DNAJC16: variants seen among roughly 807,000 people sequenced by gnomAD.
The protein encoded by DNAJC16 is DnaJ heat shock protein family (Hsp40) member C16.
In DNAJC16, 76 loss-of-function variants were observed where a neutral mutation model predicts 92.7. That is an observed-to-expected ratio of 0.82 (90% CI 0.68 to 0.99). The LOEUF (loss-of-function observed/expected upper bound fraction) is 0.99, where lower values mean the gene tolerates loss of function less well. Among genes scored for constraint, DNAJC16 ranks in the 50% least tolerant of loss-of-function variants. DNAJC16 has a pLI of 0.00. For missense variants in DNAJC16, 869 were observed against 942.4 expected, an observed-to-expected ratio of 0.92 and a Z score of 1.02; for synonymous variants, 328 against 358.7, an observed-to-expected ratio of 0.91 and a Z score of 0.97.
intron 11 of DNAJC16, 131 bp downstream of exon 11, chr1:15,564,490 A>T: frequency 1.8e-5 from 11 of 610,710 alleles, no homozygotes; most frequent in Non-Finnish European, 2.9e-5. Flanking sequence ...ACGTTTACAC[A>T]TTTTCTATTC....
intron 12 of DNAJC16, 34 bp downstream of exon 12, chr1:15,566,033 T>A (rs1317227646): frequency 6.2e-7 from 1 of 1,612,194 alleles, no homozygotes; most frequent in Non-Finnish European, 8.5e-7. Context: ...TGCACCACCA[T>A]GGTTGGTGTT....
intron 2 of DNAJC16, among the ~76,000 whole-genome samples, chr1:15,532,068 C>A (rs927187915): frequency 6.6e-6 from 1 of 152,124 alleles, no homozygotes; most frequent in African/African-American, 2.4e-5. Flanking sequence ...GTTTTTCTCC[C>A]AATAATTAAG....
At chr1:15,561,323 G>T (rs1473720416) in intron 8 of DNAJC16, among the ~76,000 whole-genome samples, 1 of 152,138 alleles carries the variant, frequency 6.6e-6, no homozygotes, top group Admixed American at 6.5e-5. Flanking sequence ...GAGGCTCAGT[G>T]GCCTCTGGCC....
At chr1:15,567,456 G>A (rs892112024) in intron 14 of DNAJC16, among the ~76,000 whole-genome samples, 187 bp downstream of exon 14, 1 of 152,190 alleles carries the variant, frequency 6.6e-6, no homozygotes, top group Non-Finnish European at 1.5e-5. Flanking sequence ...TTCACTTCGT[G>A]TTTTGTTGGT....
chr1:15,529,291 T>C lies in DNAJC16; in HGVS notation c.167+19T>C, dbSNP rs1163670929. ...GGGAATGGTAGGTGAAACAAAGAAA[T>C]AGAGGTTTAACATAAGCTAAACAGT... On this transcript the variant is annotated intron_variant, in intron 2 of 14. Transcript: ENST00000375847. 3.1e-6 allele frequency: 5 copies of C among 1,602,510 alleles called. No individual in the cohort carries two copies. Among genetic ancestry groups the C allele is most frequent in the African/African-American group, 2.7e-5 (2 of 74,528 alleles).
intron 3 of DNAJC16, among the ~76,000 whole-genome samples, chr1:15,536,093 G>A (rs1434713339): frequency 2.4e-5 from 2 of 82,704 alleles, no homozygotes; most frequent in African/African-American, 5.5e-5. Flanking sequence ...TTTTTTTTGA[G>A]ACGGAGTTTC....
rs762110139 is a variant in DNAJC16, at chr1:15,548,269, G to A, written c.865-1G>A. 2 of 1,613,588 alleles carry A rather than the reference G, an allele frequency of 1.2e-6. No individual in the cohort carries two copies. The highest frequency in any genetic ancestry group is 1.7e-6 in the Non-Finnish European group (2 of 1,179,778). ...TCTTCCTCTCTATTATGCCCTAACAGTTGACTGCCTTTGCATACAAAGATT... is the reference window on the plus strand; with the variant it reads ...TCTTCCTCTCTATTATGCCCTAACAATTGACTGCCTTTGCATACAAAGATT... On this transcript the variant is annotated splice_acceptor_variant, in intron 6 of 14. Transcript: ENST00000375847. LOFTEE classifies it high-confidence loss of function.
chr1:15,568,071 C>G lies in DNAJC16; in HGVS notation c.2243C>G (p.Ser748Cys), dbSNP rs1176403806. 6.2e-7 allele frequency: 1 copy of G among 1,614,182 alleles called. No homozygotes were observed. The highest frequency in any genetic ancestry group is 8.5e-7 in the Non-Finnish European group (1 of 1,180,032). ...GGGAAACCTTCCTGTGGCCTTGGAT[C>G]CAGGCCCATCAAAGGAAAGTTGAGC... is the stretch of plus-strand genomic sequence containing the variant. ...SRGKPSCGLG[S>C]RPIKGKLSKL... The change falls in exon 15 of 15, where the codon TCC becomes TGC. Residue 748 changes from serine to cysteine, a missense_variant. By Grantham distance (112) the Ser-to-Cys change is moderately radical. Coordinates refer to ENST00000375847, the MANE Select transcript of DNAJC16 (RefSeq NM_015291.4).
intron 8 of DNAJC16, among the ~76,000 whole-genome samples, chr1:15,561,022 A>C (rs1570927544): frequency 6.7e-6 from 1 of 150,308 alleles, no homozygotes; most frequent in South Asian, 2.1e-4. Flanking sequence ...TAACAATGTC[A>C]CCTTTTCAGT....
intron 11 of DNAJC16, among the ~76,000 whole-genome samples, chr1:15,564,797 G>A (rs1638773199): frequency 6.6e-6 from 1 of 150,904 alleles, no homozygotes; most frequent in African/African-American, 2.4e-5. Flanking sequence ...CCAAAGTGCT[G>A]GGCTTACAGG....
intron 4 of DNAJC16, among the ~76,000 whole-genome samples, chr1:15,538,027 T>C (rs1710834350): frequency 6.6e-6 from 1 of 152,106 alleles, no homozygotes; most frequent in Non-Finnish European, 1.5e-5. Flanking sequence ...CAAATATCAT[T>C]TTAGGGAAAC....
intron 1 of DNAJC16, among the ~76,000 whole-genome samples, chr1:15,528,561 A>T (rs1400413678): frequency 1.3e-5 from 2 of 152,228 alleles, no homozygotes; most frequent in African/African-American, 4.8e-5. Flanking sequence ...CAGTTTTTTG[A>T]GAGTGTTTCA....
At chr1:15,562,823 C>A (rs1486390875) in intron 9 of DNAJC16, among the ~76,000 whole-genome samples, 1 of 151,612 alleles carries the variant, frequency 6.6e-6, no homozygotes. Flanking sequence ...GGTCTTTTTA[C>A]ATTCTGGATG....
At chr1:15,527,614 A>G (rs1710548963) in intron 1 of DNAJC16, among the ~76,000 whole-genome samples, 1 of 152,230 alleles carries the variant, frequency 6.6e-6, no homozygotes, top group African/African-American at 2.4e-5. Context: ...CAGTAGCTAC[A>G]TTGCCTTCAC....
intron 7 of DNAJC16, among the ~76,000 whole-genome samples, chr1:15,550,041 C>T (rs1257929579): frequency 1.3e-5 from 2 of 152,100 alleles, no homozygotes; most frequent in Admixed American, 6.5e-5. Flanking sequence ...GGTCTTGGAA[C>T]GTATCCTCTG....
In DNAJC16 at chr1:15,544,185, C is replaced by T. The variant is rs112007520; in HGVS notation, c.575-214C>T. Among the ~76,000 whole-genome samples, 308 of 148,008 alleles carry T rather than the reference C, an allele frequency of 2.1e-3. 4 individuals carry two copies. Among genetic ancestry groups the T allele is most frequent in the African/African-American group, 7.4e-3 (299 of 40,346 alleles). The stretch of plus-strand genomic sequence containing the variant: ...ACACACACACACACACACACACACA[C>T]ATTTGTAACTCTTCTTACATATTGC... On this transcript the variant is annotated intron_variant, in intron 4 of 14. Transcript: ENST00000375847.
intron 2 of DNAJC16, 87 bp downstream of exon 2, chr1:15,529,359 T>A: frequency 7.5e-7 from 1 of 1,335,000 alleles, no homozygotes; most frequent in Non-Finnish European, 1.0e-6. Flanking sequence ...CTTTTATTTG[T>A]CTCTGTTTCT....
intron 9 of DNAJC16, 79 bp downstream of exon 9, chr1:15,562,404 G>C: frequency 7.2e-7 from 1 of 1,388,552 alleles, no homozygotes; most frequent in South Asian, 1.5e-5. Context: ...TTCCTTGAGA[G>C]TGTTGAATAC....
rs1710797617 is a variant in DNAJC16 at position 15,536,686 on chromosome 1, A to G, written c.446A>G (p.Tyr149Cys). 6.2e-7 allele frequency: 1 copy of G among 1,614,186 alleles called. No individual in the cohort carries two copies. The highest frequency in any genetic ancestry group is 8.5e-7 in the Non-Finnish European group (1 of 1,180,028). ...DEKYLLHFSH[Y>C]VNEVVPDSFK... The stretch of plus-strand genomic sequence containing the variant: ...AAGTATTTATTGCACTTTTCACATT[A>G]TGTGAATGAAGTGGTTCCAGATAGC... The change falls in exon 4 of 15, where the codon TAT becomes TGT. Residue 149 changes from tyrosine (Y) to cysteine (C), a missense_variant. Physicochemically the swap from Tyr to Cys is radical, Grantham distance 194. Coordinates refer to ENST00000375847, the MANE Select transcript of DNAJC16 (RefSeq NM_015291.4).
Sources: allele counts gnomAD v4.1 joint callset (sites outside exome capture counted in the v4.1 genomes callset), GRCh38; gene constraint gnomAD v4.1.1; transcripts MANE v1.5; gene names NCBI Gene and HGNC (gene_info 2026-07-23, HGNC 2026-07-21).